SLC22A8: variants seen among roughly 807,000 people sequenced by gnomAD.
SLC22A8 encodes the protein solute carrier family 22 member 8, also known as organic anion transporter 3.
SLC22A8 carries 40 observed loss-of-function variants against 48.4 expected under a neutral mutation model. That is an observed-to-expected ratio of 0.83 (90% CI 0.64 to 1.08). The LOEUF is 1.08. Ranked by LOEUF, SLC22A8 falls within the 50% of genes least tolerant of loss-of-function variation. SLC22A8 has a pLI of 0.00. For missense variants in SLC22A8, 606 were observed against 699.0 expected, an observed-to-expected ratio of 0.87 and a Z score of 1.50; for synonymous variants, 268 against 286.3, an observed-to-expected ratio of 0.94 and a Z score of 0.65.
In SLC22A8 at chr11:62,999,697, C is replaced by T. The variant is rs756805512; in HGVS notation, c.583G>A (p.Val195Ile). ...FGISGITLSTVILNVEWVPTR... is the reference protein window; with the variant it reads ...FGISGITLSTIILNVEWVPTR... ...CCCCACTGCAGCTCACTCAAGATGA[C>T]GGTGCTCAGGGTAATGCCTGAGATG... The change falls in exon 4 of 11, where the codon GTC becomes ATC. Residue 195 changes from valine to isoleucine, a missense_variant. Physicochemically the swap from Val to Ile is conservative, Grantham distance 29. Coordinates refer to ENST00000336232, the MANE Select transcript of SLC22A8 (RefSeq NM_004254.4). The T allele has an allele frequency of 1.7e-5, 26 of 1,570,554 alleles. No homozygotes were observed. Among genetic ancestry groups the T allele is most frequent in the African/African-American group, 2.7e-5 (2 of 73,108 alleles).
In SLC22A8 at chr11:63,014,837, G is replaced by A; in HGVS notation, c.122C>T (p.Thr41Ile). Reference protein sequence around the residue: ...MANHNLLQIFTAATPVHHCRP... With the variant: ...MANHNLLQIFIAATPVHHCRP... ...ACAGTGGTGGACAGGGGTGGCGGCTGTGAAGATCTGCAGCAGGTTGTGGTT... is the reference window on the plus strand; with the variant it reads ...ACAGTGGTGGACAGGGGTGGCGGCTATGAAGATCTGCAGCAGGTTGTGGTT... The change falls in exon 2 of 11, where the codon ACA (threonine) becomes ATA (isoleucine). Residue 41 changes from threonine (T) to isoleucine (I), a missense_variant. Thr to Ile is a moderately conservative substitution (Grantham distance 89). Transcript: ENST00000336232. The A allele has an allele frequency of 1.9e-6, 3 of 1,612,432 alleles. No individual in the cohort carries two copies. Among genetic ancestry groups the A allele is most frequent in the Non-Finnish European group, 2.5e-6 (3 of 1,178,670 alleles).
rs941730277 is a variant in SLC22A8 at position 63,014,932 on chromosome 11, A to T, written c.27T>A (p.Arg9=). The T allele has an allele frequency of 2.6e-6, 4 of 1,565,070 alleles. No homozygotes were observed. In the African/African-American group the frequency reaches 5.4e-5, roughly 21 times the overall value. MTFSEILD[R]VGSMGHFQFL... Reference sequence around the variant, plus strand: ...ACTGGAAATGGCCCATGCTTCCCACACGGTCCAGGATCTCCGAGAAGGTCA... The same window carrying T: ...ACTGGAAATGGCCCATGCTTCCCACTCGGTCCAGGATCTCCGAGAAGGTCA... The change falls in exon 2 of 11, where the codon CGT becomes CGA. Residue 9 remains arginine, a synonymous_variant. Coordinates refer to ENST00000336232, the MANE Select transcript of SLC22A8 (RefSeq NM_004254.4).
chr11:62,994,011 G>A (rs2086377952), intron 8 of SLC22A8, 133 bp from the exon 9 acceptor site: 5 of 667,876 alleles, frequency 7.5e-6, no homozygotes, highest in Non-Finnish European at 1.4e-5. Context: ...GCTGAGTAAT[G>A]CTTTGCATGC....
chr11:63,001,511 C>A (rs984008563), intron 2 of SLC22A8, among the ~76,000 whole-genome samples: 3 of 152,214 alleles, frequency 2.0e-5, no homozygotes, highest in African/African-American at 7.2e-5. Flanking sequence ...TGGAACGTCC[C>A]TAATCCTGGC....
At position 63,014,695 on chromosome 11, in the gene SLC22A8, G is replaced by A; in HGVS notation, c.264C>T (p.Thr88=). 6.2e-7 allele frequency: 1 copy of A among 1,613,958 alleles called. No individual in the cohort carries two copies. The highest frequency in any genetic ancestry group is 8.5e-7 in the Non-Finnish European group (1 of 1,179,882). ...HPPNASLPND[T]QRAMEPCLDG... ...CCAGGCATGGCTCCATGGCCCTCTG[G>A]GTGTCATTGGGCAGGCTGGCATTGG... The change falls in exon 2 of 11, where the codon ACC becomes ACT. Residue 88 remains threonine (T), a synonymous_variant. Coordinates refer to ENST00000336232, the MANE Select transcript of SLC22A8 (RefSeq NM_004254.4).
intron 7 of SLC22A8, chr11:62,995,422 C>A: frequency 6.1e-6 from 3 of 491,338 alleles, no homozygotes; most frequent in East Asian, 3.6e-5. Context: ...GGACACTGAG[C>A]GGCAGGGATG....
At position 62,999,030 on chromosome 11, in the gene SLC22A8, A is replaced by T. The variant is rs1320668380; in HGVS notation, c.652T>A (p.Tyr218Asn). 6.2e-7 allele frequency: 1 copy of T among 1,614,234 alleles called. No homozygotes were observed. The highest frequency in any genetic ancestry group is 1.7e-5 in the Admixed American group (1 of 60,036). The part of the protein sequence containing the change: ...AIMSTALGYC[Y>N]TFGQFILPGL... ...GGCAGAATGAACTGGCCAAAGGTGT[A>T]GCAGTACCCGAGTGCTGTCGACATG... The change falls in exon 5 of 11, where the codon TAC becomes AAC. Residue 218 changes from tyrosine to asparagine, a missense_variant. Tyr to Asn is a moderately radical substitution (Grantham distance 143). Transcript: ENST00000336232.
At chr11:62,999,967 G>C (rs1204208521) in intron 3 of SLC22A8, 125 bp from the exon 4 acceptor site, 3 of 736,214 alleles carry the variant, frequency 4.1e-6, no homozygotes, top group African/African-American at 1.8e-5. Flanking sequence ...GGCACATAAA[G>C]CTCCCTCCCC....
chr11:63,009,932 C>T (rs763408103), intron 2 of SLC22A8, among the ~76,000 whole-genome samples: 34 of 152,112 alleles, frequency 2.2e-4, no homozygotes, highest in Non-Finnish European at 4.4e-4. Context: ...AAGAGGAGGG[C>T]CAGGCTGAGG....
intron 2 of SLC22A8, among the ~76,000 whole-genome samples, chr11:63,011,167 G>T (rs1477949183): frequency 6.6e-6 from 1 of 152,172 alleles, no homozygotes; most frequent in African/African-American, 2.4e-5. Context: ...AGGAGCATAG[G>T]CTCTGGAGCC....
chr11:62,993,735 C>T lies in SLC22A8; in HGVS notation c.1325+35G>A, dbSNP rs372702590. 3.7e-5 allele frequency: 59 copies of T among 1,595,318 alleles called. No individual in the cohort carries two copies. In the South Asian group the frequency reaches 6.3e-4, roughly 17 times the overall value. On this transcript the variant is annotated intron_variant, in intron 9 of 10. Transcript: ENST00000336232. ...GCCACAGTCCCACCTGACCTGTGTCCTCTGGCTGGGCCTGGCCCCAGGTCC... is the reference window on the plus strand; with the variant it reads ...GCCACAGTCCCACCTGACCTGTGTCTTCTGGCTGGGCCTGGCCCCAGGTCC...
At chr11:62,995,257 T>C (rs1258222823) in intron 7 of SLC22A8, 1 of 240,924 alleles carries the variant, frequency 4.2e-6, no homozygotes, top group East Asian at 9.8e-5. Context: ...GAAAGGGCTT[T>C]CAGGGAGCAG....
intron 2 of SLC22A8, among the ~76,000 whole-genome samples, chr11:63,005,771 C>T (rs2086547215): frequency 6.6e-6 from 1 of 152,268 alleles, no homozygotes; most frequent in Non-Finnish European, 1.5e-5. Flanking sequence ...AAGGATTCTT[C>T]CCTAGAGCCT....
In SLC22A8 at chr11:63,014,715, C is replaced by T. The variant is rs912116087; in HGVS notation, c.244G>A (p.Ala82Thr). The T allele has an allele frequency of 6.2e-7, 1 of 1,613,984 alleles. No individual in the cohort carries two copies. The highest frequency in any genetic ancestry group is 8.5e-7 in the Non-Finnish European group (1 of 1,179,982). The change falls in exon 2 of 11, where the codon GCC (alanine) becomes ACC (threonine). Residue 82 changes from alanine to threonine, a missense_variant. By Grantham distance (58) the Ala-to-Thr change is moderately conservative. Transcript: ENST00000336232. ...CTCTGGGTGTCATTGGGCAGGCTGGCATTGGGCGGATGTACAAAACGGAGG... is the reference window on the plus strand; with the variant it reads ...CTCTGGGTGTCATTGGGCAGGCTGGTATTGGGCGGATGTACAAAACGGAGG... ...RCLRFVHPPN[A>T]SLPNDTQRAM...
chr11:63,012,326 C>T (rs961393257), intron 2 of SLC22A8, among the ~76,000 whole-genome samples: 1 of 152,032 alleles, frequency 6.6e-6, no homozygotes, highest in Admixed American at 6.6e-5. Flanking sequence ...ATTTGACCCT[C>T]CTTCCCCGCC....
At chr11:63,001,561 G>A (rs2086495300) in intron 2 of SLC22A8, among the ~76,000 whole-genome samples, 3 of 152,256 alleles carry the variant, frequency 2.0e-5, no homozygotes, top group Admixed American at 6.5e-5. Flanking sequence ...TGCTGATCTC[G>A]CCCTCCGTCA....
chr11:62,996,233 G>C, intron 5 of SLC22A8, 81 bp from the exon 6 acceptor site: 1 of 1,412,660 alleles, frequency 7.1e-7, no homozygotes, highest in Non-Finnish European at 9.6e-7. Context: ...CAACAGCCAG[G>C]GCCAAGGGGT....
chr11:63,007,219 A>T (rs2086566109), intron 2 of SLC22A8, among the ~76,000 whole-genome samples: 1 of 152,188 alleles, frequency 6.6e-6, no homozygotes, highest in South Asian at 2.1e-4. Context: ...TGTTGGTTGA[A>T]CAGAGCCAGT....
At chr11:63,013,307 C>T (rs1193468374) in intron 2 of SLC22A8, among the ~76,000 whole-genome samples, 1 of 152,182 alleles carries the variant, frequency 6.6e-6, no homozygotes, top group Non-Finnish European at 1.5e-5. Context: ...GTCATGGAAT[C>T]AAGCTGAGCC....
Sources: allele counts gnomAD v4.1 joint callset (sites outside exome capture counted in the v4.1 genomes callset), GRCh38; gene constraint gnomAD v4.1.1; transcripts MANE v1.5; gene names NCBI Gene and HGNC (gene_info 2026-07-23, HGNC 2026-07-21).